The following CTNNA1 variants were observed in gnomAD, a reference collection of about 807,000 sequenced individuals.
CTNNA1 encodes catenin alpha-1.
CTNNA1 carries 37 observed loss-of-function variants against 98.4 expected under a neutral mutation model. The observed-to-expected ratio is 0.38, with a 90% confidence interval of 0.29 to 0.49. The LOEUF (loss-of-function observed/expected upper bound fraction) is 0.49, where lower values mean the gene tolerates loss of function less well. Ranked by LOEUF, CTNNA1 falls within the 20% of genes least tolerant of loss-of-function variation. CTNNA1 has a pLI of 0.95. For synonymous variants in CTNNA1, 404 were observed against 413.2 expected, an observed-to-expected ratio of 0.98 and a Z score of 0.27; for missense variants, 761 against 1,147.2, an observed-to-expected ratio of 0.66 and a Z score of 4.86.
intron 1 of CTNNA1, among the ~76,000 whole-genome samples, chr5:138,775,720 T>TTC (rs1243832979): frequency 2.3e-5 from 3 of 130,860 alleles, no homozygotes; most frequent in Non-Finnish European, 4.7e-5. Context: ...ATTTCTTTTT[T>TTC]TTTTTTTTTT....
chr5:138,782,109 T>C, intron 2 of CTNNA1, 80 bp downstream of exon 2: 4 of 1,365,526 alleles, frequency 2.9e-6, no homozygotes, highest in Non-Finnish European at 3.0e-6. Flanking sequence ...AGCAAGGTTA[T>C]TTAGTTCAAA....
intron 16 of CTNNA1, 169 bp downstream of exon 16, chr5:138,931,104 T>TA: frequency 1.6e-6 from 1 of 607,154 alleles, no homozygotes; most frequent in Non-Finnish European, 3.0e-6. Context: ...CTAGAGCGGA[T>TA]GTGTATGTCC....
chr5:138,932,265 A>C, intron 16 of CTNNA1: 4 of 1,135,082 alleles, frequency 3.5e-6, no homozygotes, highest in East Asian at 5.3e-5. Flanking sequence ...GGGTGAGGGG[A>C]TCCTTGGCCA....
At chr5:138,836,076 C>G (rs1761745833) in intron 7 of CTNNA1, among the ~76,000 whole-genome samples, 2 of 152,326 alleles carry the variant, frequency 1.3e-5, no homozygotes, top group Admixed American at 6.5e-5. Flanking sequence ...GTCTCGAACA[C>G]CTGGCCTCAA....
chr5:138,773,435 G>C (rs988359531), intron 1 of CTNNA1, among the ~76,000 whole-genome samples: 1 of 152,204 alleles, frequency 6.6e-6, no homozygotes, highest in East Asian at 1.9e-4. Flanking sequence ...TGTCTTCAGG[G>C]ACTTACAGAA....
chr5:138,787,041 G>C (rs1269019372), intron 3 of CTNNA1, among the ~76,000 whole-genome samples: 1 of 152,182 alleles, frequency 6.6e-6, no homozygotes, highest in Non-Finnish European at 1.5e-5. Flanking sequence ...TTTTTAAGAT[G>C]TCTTTGTTCT....
chr5:138,811,242 T>C (rs1440138154), intron 4 of CTNNA1, among the ~76,000 whole-genome samples: 1 of 130,498 alleles, frequency 7.7e-6, no homozygotes, highest in African/African-American at 2.9e-5. Context: ...CCAGATGGGG[T>C]CGCGGCCGGG....
intron 13 of CTNNA1, among the ~76,000 whole-genome samples, chr5:138,927,663 T>C (rs141933736): frequency 6.6e-5 from 10 of 152,296 alleles, no homozygotes; most frequent in Non-Finnish European, 1.5e-4. Context: ...TTTTGTCTGT[T>C]TGTCACTTTG....
intron 7 of CTNNA1, among the ~76,000 whole-genome samples, chr5:138,861,293 T>A (rs1764251321): frequency 4.6e-5 from 7 of 152,188 alleles, no homozygotes; most frequent in Admixed American, 3.9e-4. Flanking sequence ...AGTGCTGGGA[T>A]TACAGACGTC....
intron 5 of CTNNA1, among the ~76,000 whole-genome samples, chr5:138,814,301 C>T (rs964583567): frequency 7.4e-5 from 11 of 149,498 alleles, no homozygotes; most frequent in East Asian, 2.0e-4. Context: ...CAGGCTGGAG[C>T]GCAATGGTGC....
chr5:138,787,380 T>C (rs945379541), intron 3 of CTNNA1, among the ~76,000 whole-genome samples: 3 of 151,824 alleles, frequency 2.0e-5, no homozygotes, highest in African/African-American at 7.3e-5. Context: ...ACCGTGCCAC[T>C]GCACTCCAGC....
intron 10 of CTNNA1, among the ~76,000 whole-genome samples, chr5:138,908,130 A>T (rs13173221): frequency 0.26 from 39,202 of 151,906 alleles, 5,326 homozygotes; most frequent in Middle Eastern, 0.31. Context: ...GGTGCCTGCC[A>T]CCACGCCCGG....
Position 138,874,318 on chromosome 5 carries a change from A to C in CTNNA1, c.1063-11894A>C, listed in dbSNP as rs1751031643. ...GCCAAGTAAGTTGACTGAAGCTGGC[A>C]AATTGATCTCTTTCGAGCTCTGTGA... On this transcript the variant is annotated intron_variant, in intron 7 of 17. Coordinates refer to ENST00000302763, the MANE Select transcript of CTNNA1 (RefSeq NM_001903.5). This position sits in a 1 kb window ranked among gnomAD's most constrained non-coding sequence, Gnocchi z 4.1. 2.5e-6 allele frequency: 4 copies of C among 1,613,946 alleles called. No individual in the cohort carries two copies. The highest frequency in any genetic ancestry group is 3.4e-6 in the Non-Finnish European group (4 of 1,179,914).
At chr5:138,807,855 C>G (rs1758260455) in intron 3 of CTNNA1, among the ~76,000 whole-genome samples, 1 of 152,028 alleles carries the variant, frequency 6.6e-6, no homozygotes, top group Non-Finnish European at 1.5e-5. Flanking sequence ...TCAAGTGATT[C>G]TTGTGCCTCA....
intron 7 of CTNNA1, chr5:138,872,222 A>T (rs969812765): frequency 1.3e-5 from 2 of 152,636 alleles, no homozygotes; most frequent in African/African-American, 4.8e-5. Context: ...ATGCTAGTTT[A>T]AAACAGTTGT....
intron 7 of CTNNA1, chr5:138,869,237 A>G (rs1040760424): frequency 2.0e-5 from 3 of 151,778 alleles, no homozygotes; most frequent in African/African-American, 4.8e-5. Flanking sequence ...GAGGTTTCCA[A>G]ATGTTTGCAA....
chr5:138,852,226 C>G (rs560488008), intron 7 of CTNNA1, among the ~76,000 whole-genome samples: 24 of 152,228 alleles, frequency 1.6e-4, no homozygotes, highest in Admixed American at 1.2e-3. Flanking sequence ...TATTTCAATA[C>G]TTTTAACATT....
intron 3 of CTNNA1, among the ~76,000 whole-genome samples, chr5:138,809,390 T>G (rs1758438098): frequency 6.6e-6 from 1 of 152,242 alleles, no homozygotes; most frequent in South Asian, 2.1e-4. Context: ...CATTTATGAT[T>G]TCATTTGTTT....
intron 1 of CTNNA1, among the ~76,000 whole-genome samples, chr5:138,764,213 A>G (rs1286824219): frequency 6.6e-6 from 1 of 151,444 alleles, no homozygotes; most frequent in African/African-American, 2.4e-5. Context: ...AAACAAAAAA[A>G]TAATTAGCCG....
Sources: allele counts gnomAD v4.1 joint callset (sites outside exome capture counted in the v4.1 genomes callset), GRCh38; gene constraint gnomAD v4.1.1; non-coding constraint Gnocchi (gnomAD v3.1); transcripts MANE v1.5; gene names NCBI Gene and HGNC (gene_info 2026-07-23, HGNC 2026-07-21).